HELT: variants seen among roughly 807,000 people sequenced by gnomAD.
HELT encodes hairy and enhancer of split-related protein HELT.
In HELT, 9 loss-of-function variants were observed where a neutral mutation model predicts 19.5. The ratio of observed to expected loss-of-function variants is 0.46; its 90% CI spans 0.28 to 0.80. The LOEUF is 0.80. Ranked by LOEUF, HELT falls within the 30% of genes least tolerant of loss-of-function variation. The pLI, the probability that HELT is intolerant of heterozygous loss-of-function variation, is 0.12. For synonymous variants in HELT, 162 were observed against 148.3 expected (o/e 1.09, Z -0.67); for missense variants, 366 against 326.3 (o/e 1.12, Z -0.94).
chr4:185,019,894 CA>C, intron 3 of HELT, 51 bp downstream of exon 3: 1 of 1,515,046 alleles, frequency 6.6e-7, no homozygotes, highest in Non-Finnish European at 9.1e-7. Context: ...CTGCGCCACC[CA>C]GAGACCCTGG....
chr4:185,020,401 G>A lies in HELT; in HGVS notation c.358G>A (p.Ala120Thr). 2.5e-6 allele frequency: 4 copies of A among 1,614,206 alleles called. No homozygotes were observed. Among genetic ancestry groups the A allele is most frequent in the Non-Finnish European group, 3.4e-6 (4 of 1,180,040 alleles). ...TKDTKYARIL[A>T]FLQSKARLGA... ...GGACACGAAGTACGCGCGCATCCTCGCCTTCTTGCAGTCCAAGGCCCGCCT... is the reference window on the plus strand; with the variant it reads ...GGACACGAAGTACGCGCGCATCCTCACCTTCTTGCAGTCCAAGGCCCGCCT... The change falls in exon 4 of 4, where the codon GCC becomes ACC. Residue 120 changes from alanine (A) to threonine (T), a missense_variant. By Grantham distance (58) the Ala-to-Thr change is moderately conservative. Coordinates refer to ENST00000515777, the MANE Select transcript of HELT (RefSeq NM_001300781.2).
chr4:185,020,215 C>A (rs1734029351), intron 3 of HELT, 58 bp from the exon 4 acceptor site: 4 of 1,574,320 alleles, frequency 2.5e-6, no homozygotes. Flanking sequence ...GCTTTGGGCT[C>A]GCGTGGGGAA....
At chr4:185,019,888 G>T in intron 3 of HELT, 45 bp downstream of exon 3, 1 of 1,532,110 alleles carries the variant, frequency 6.5e-7, no homozygotes, top group South Asian at 1.2e-5. Context: ...AGGCGCCTGC[G>T]CCACCCAGAG....
rs774961799 is a variant in HELT at position 185,020,516 on chromosome 4, G to A, written c.473G>A (p.Gly158Asp). The A allele has an allele frequency of 8.1e-6, 13 of 1,611,094 alleles. No individual in the cohort carries two copies. The Admixed American group carries it at 2.2e-4, about 27-fold the overall frequency. Residue 158 changes from glycine (G) to aspartate (D), a missense_variant, in exon 4 of 4, where the codon GGT (glycine) becomes GAT (aspartate). Transcript: ENST00000515777. Reference protein sequence around the residue: ...QLHPAGPEFAGHSPGEAAVFP... With the variant: ...QLHPAGPEFADHSPGEAAVFP... ...CACCCTGCGGGGCCCGAATTCGCTG[G>A]TCACAGCCCGGGCGAGGCCGCTGTG... is the stretch of plus-strand genomic sequence containing the variant.
At position 185,018,928 on chromosome 4, in the gene HELT, G is replaced by A. The variant is rs1055038087; in HGVS notation, c.-1G>A. On this transcript the variant is annotated 5_prime_UTR_variant, in exon 1 of 4. Coordinates refer to ENST00000515777, the MANE Select transcript of HELT (RefSeq NM_001300781.2). ...TCTCCCGAGGGCGCGTACTGACCAG[G>A]ATGTCAGACAAGCTCAAGGAACGCA... 5 of 1,604,798 alleles carry A rather than the reference G, an allele frequency of 3.1e-6. No homozygotes were observed. Among genetic ancestry groups the A allele is most frequent in the Non-Finnish European group, 4.3e-6 (5 of 1,174,292 alleles).
chr4:185,020,282 T>C lies in HELT; in HGVS notation c.239T>C (p.Leu80Pro), dbSNP rs976526462. The C allele has an allele frequency of 1.7e-5, 28 of 1,613,374 alleles. No individual in the cohort carries two copies. Among genetic ancestry groups the C allele is most frequent in the Non-Finnish European group, 2.2e-5 (26 of 1,179,502 alleles). Residue 80 changes from leucine to proline, a missense_variant, in exon 4 of 4, where the codon CTA becomes CCA. By Grantham distance (98) the Leu-to-Pro change is moderately conservative. Coordinates refer to ENST00000515777, the MANE Select transcript of HELT (RefSeq NM_001300781.2). ...TTTCTCGTTCCTCCAGCAGAACTTC[T>C]AGCGGAGTTTGCCAACTACTTCCAC... ...FPRGREKAELLAEFANYFHYG... is the reference protein window; with the variant it reads ...FPRGREKAELPAEFANYFHYG...
chr4:185,019,051 C>A lies in HELT; in HGVS notation c.27+96C>A, dbSNP rs200165363. ...TGGGTGGACCGATGGCAGGGAAGTG[C>A]CCGCACGGGACTTTGAGTGTGGAGG... On this transcript the variant is annotated intron_variant, in intron 1 of 3. Transcript: ENST00000515777. 13 of 1,613,746 alleles carry A rather than the reference C, an allele frequency of 8.1e-6. No individual in the cohort carries two copies. In the East Asian group the frequency reaches 2.9e-4, roughly 36 times the overall value.
Position 185,019,371 on chromosome 4 carries a change from A to C in HELT, c.28-16A>C. ...CCGGGCAAAGCCATCCTAAACATAC[A>C]ACCCTCTCTTCGCAGAGAACCCCCG... On this transcript the variant is annotated splice_polypyrimidine_tract_variant and intron_variant, in intron 1 of 3. Coordinates refer to ENST00000515777, the MANE Select transcript of HELT (RefSeq NM_001300781.2). The C allele has an allele frequency of 6.3e-7, 1 of 1,597,348 alleles. No individual in the cohort carries two copies. The highest frequency in any genetic ancestry group is 1.1e-5 in the South Asian group (1 of 89,278).
intron 2 of HELT, 58 bp from the exon 3 acceptor site, chr4:185,019,689 C>T: frequency 6.2e-7 from 1 of 1,611,568 alleles, no homozygotes; most frequent in South Asian, 1.1e-5. Flanking sequence ...TCTCCAGCGC[C>T]ACAGTGCCCG....
At chr4:185,019,881 C>G in intron 3 of HELT, 38 bp downstream of exon 3, 1 of 1,565,712 alleles carries the variant, frequency 6.4e-7, no homozygotes. Context: ...CTGGGCCAGG[C>G]GCCTGCGCCA....
In HELT at chr4:185,020,431, G is replaced by T. The variant is rs148495344; in HGVS notation, c.388G>T (p.Ala130Ser). The T allele has an allele frequency of 1.6e-4, 257 of 1,614,108 alleles. No homozygotes were observed. Among genetic ancestry groups the T allele is most frequent in the Non-Finnish European group, 2.0e-4 (236 of 1,180,040 alleles). ...AFLQSKARLG[A>S]EPAFPPLGSL... is the part of the protein sequence containing the mutation. Reference sequence around the variant, plus strand: ...CTTGCAGTCCAAGGCCCGCCTGGGCGCGGAGCCCGCCTTTCCGCCGCTGGG... The same window carrying T: ...CTTGCAGTCCAAGGCCCGCCTGGGCTCGGAGCCCGCCTTTCCGCCGCTGGG... Residue 130 changes from alanine to serine, a missense_variant, in exon 4 of 4, where the codon GCG becomes TCG. Ala to Ser is a moderately conservative substitution (Grantham distance 99, BLOSUM62 1). Coordinates refer to ENST00000515777, the MANE Select transcript of HELT (RefSeq NM_001300781.2).
intron 3 of HELT, 120 bp from the exon 4 acceptor site, chr4:185,020,153 G>T (rs767743044): frequency 1.3e-4 from 188 of 1,401,002 alleles, no homozygotes; most frequent in African/African-American, 8.6e-5. Flanking sequence ...GAGAGGGCGG[G>T]CCTCAAATGG....
At chr4:185,020,204 C>A in intron 3 of HELT, 69 bp from the exon 4 acceptor site, 1 of 1,566,640 alleles carries the variant, frequency 6.4e-7, no homozygotes, top group South Asian at 1.2e-5. Context: ...GCCCTGCACC[C>A]GCTTTGGGCT....
intron 1 of HELT, 49 bp downstream of exon 1, chr4:185,019,004 T>G (rs1733977169): frequency 9.9e-6 from 16 of 1,613,920 alleles, no homozygotes; most frequent in Non-Finnish European, 1.4e-5. Context: ...GGTGGAGGCA[T>G]CTGACTCACC....
Position 185,020,414 on chromosome 4 carries a change from C to T in HELT, c.371C>T (p.Ser124Phe), listed in dbSNP as rs751323930. Residue 124 changes from serine to phenylalanine, a missense_variant, in exon 4 of 4, where the codon TCC (serine) becomes TTC (phenylalanine). By Grantham distance (155) the Ser-to-Phe change is radical (BLOSUM62 -2). Coordinates refer to ENST00000515777, the MANE Select transcript of HELT (RefSeq NM_001300781.2). The part of the protein sequence containing the change: ...KYARILAFLQ[S>F]KARLGAEPAF... Reference sequence around the variant, plus strand: ...GCGCGCATCCTCGCCTTCTTGCAGTCCAAGGCCCGCCTGGGCGCGGAGCCC... The same window carrying T: ...GCGCGCATCCTCGCCTTCTTGCAGTTCAAGGCCCGCCTGGGCGCGGAGCCC... 1.9e-6 allele frequency: 3 copies of T among 1,614,168 alleles called. No homozygotes were observed. The highest frequency in any genetic ancestry group is 2.2e-5 in the South Asian group (2 of 91,090).
chr4:185,020,878 TG>T lies in HELT; in HGVS notation c.*111del. ...AATATTGTACCCCAAAAATCTGGGC[TG>T]GGGGAGGCAAAGAGCGAATGAGTCT... On this transcript the variant is annotated 3_prime_UTR_variant, in exon 4 of 4. Coordinates refer to ENST00000515777, the MANE Select transcript of HELT (RefSeq NM_001300781.2). 1 of 1,340,378 alleles carries T rather than the reference TG, an allele frequency of 7.5e-7. No individual in the cohort carries two copies. Among genetic ancestry groups the T allele is most frequent in the Non-Finnish European group, 9.7e-7 (1 of 1,031,952 alleles). 83.0% of individuals were successfully genotyped at this position (1,340,378 alleles called of 1,614,324 possible). A position where few individuals can be genotyped will look rare whatever the true frequency, so the allele number is the denominator to read the frequency against.
chr4:185,020,285 C>A lies in HELT; in HGVS notation c.242C>A (p.Ala81Glu), dbSNP rs140544289. The A allele has an allele frequency of 2.2e-5, 36 of 1,613,404 alleles. No homozygotes were observed. The East Asian group carries it at 7.4e-4, about 33-fold the overall frequency. Residue 81 changes from alanine to glutamate, a missense_variant, in exon 4 of 4, where the codon GCG becomes GAG. Coordinates refer to ENST00000515777, the MANE Select transcript of HELT (RefSeq NM_001300781.2). ...PRGREKAELL[A>E]EFANYFHYGY... Reference sequence around the variant, plus strand: ...CTCGTTCCTCCAGCAGAACTTCTAGCGGAGTTTGCCAACTACTTCCACTAT... The same window carrying A: ...CTCGTTCCTCCAGCAGAACTTCTAGAGGAGTTTGCCAACTACTTCCACTAT...
intron 3 of HELT, 36 bp from the exon 4 acceptor site, chr4:185,020,237 G>A (rs1463896262): frequency 1.9e-6 from 3 of 1,596,460 alleles, no homozygotes; most frequent in Non-Finnish European, 2.6e-6. Context: ...GGGCACTCAG[G>A]GTGTGTCCGT....
rs770208521 is a variant in HELT at position 185,018,964 on chromosome 4, G to T, written c.27+9G>T. ...AGCTCAAGGAACGCAAAGTGAGTCG[G>T]CTGAGCCCAAATGGCACTTGCGCCC... On this transcript the variant is annotated intron_variant, in intron 1 of 3. Transcript: ENST00000515777. 29 of 1,613,080 alleles carry T rather than the reference G, an allele frequency of 1.8e-5. No homozygotes were observed. The African/African-American group carries it at 3.2e-4, about 18-fold the overall frequency.
Sources: allele counts gnomAD v4.1 joint callset, GRCh38; gene constraint gnomAD v4.1.1; transcripts MANE v1.5; gene names NCBI Gene and HGNC (gene_info 2026-07-23, HGNC 2026-07-21).